Variants in PADI1 observed in about 807,000 individuals in gnomAD.
The protein encoded by PADI1 is peptidyl arginine deiminase 1.
PADI1 carries 65 observed loss-of-function variants against 74.8 expected under a neutral mutation model. The observed-to-expected ratio is 0.87, with a 90% CI of 0.71 to 1.07. The LOEUF is 1.07. PADI1 is among the 50% of genes least tolerant of loss of function. PADI1 has a pLI of 0.00. For missense variants in PADI1, 943 were observed against 854.0 expected, an observed-to-expected ratio of 1.10 and a Z score of -1.30; for synonymous variants, 371 against 336.2, an observed-to-expected ratio of 1.10 and a Z score of -1.13.
At chr1:17,241,223 G>A (rs1326325678) in intron 15 of PADI1, among the ~76,000 whole-genome samples, 1 of 152,176 alleles carries the variant, frequency 6.6e-6, no homozygotes, top group Admixed American at 6.5e-5. Flanking sequence ...CGGTGGCCTC[G>A]CTGACTCTCA....
chr1:17,229,502 T>A (rs1055768543), intron 8 of PADI1, among the ~76,000 whole-genome samples: 1 of 152,226 alleles, frequency 6.6e-6, no homozygotes, highest in South Asian at 2.1e-4. Context: ...CTCAGAATCC[T>A]CATCATGCCC....
chr1:17,213,788 C>T (rs1399410136), intron 1 of PADI1, among the ~76,000 whole-genome samples: 3 of 152,234 alleles, frequency 2.0e-5, no homozygotes, highest in Non-Finnish European at 4.4e-5. Flanking sequence ...GAACCTGCAC[C>T]TTACCACAGG....
chr1:17,208,308 C>T (rs1198380134), intron 1 of PADI1, among the ~76,000 whole-genome samples: 1 of 152,104 alleles, frequency 6.6e-6, no homozygotes, highest in African/African-American at 2.4e-5. Context: ...TAATTGTGTG[C>T]CCCAGGGTGT....
In PADI1 at chr1:17,205,741, G is replaced by T. The variant is rs117736485; in HGVS notation, c.92+432G>T. ...GGTGAAGGGACGTGTGTGGTAGCTT[G>T]ACCCTTGGAGGTCAGCCAGAGATAA... On this transcript the variant is annotated intron_variant, in intron 1 of 15. Transcript: ENST00000375471. Among the ~76,000 whole-genome samples, 396 of 152,292 alleles carry T rather than the reference G, an allele frequency of 2.6e-3. 15 individuals are homozygous for T. The East Asian group carries it at 0.053, about 20-fold the overall frequency.
chr1:17,229,525 T>C (rs1298490332), intron 8 of PADI1, among the ~76,000 whole-genome samples: 1 of 152,184 alleles, frequency 6.6e-6, no homozygotes, highest in East Asian at 1.9e-4. Flanking sequence ...GAGGGAAGGA[T>C]CAGCCTCGAT....
rs373645717 is a variant in PADI1, at chr1:17,229,144, C to T, written c.929+93C>T. 46 of 793,552 alleles carry T rather than the reference C, an allele frequency of 5.8e-5. No individual in the cohort carries two copies. The East Asian group carries it at 7.2e-4, about 12-fold the overall frequency. The allele number at this position is 793,552 out of a possible 1,614,324, so 49.2% of individuals were successfully genotyped here. ...GGGCTGCGCCCCTCACTCACACCGA[C>T]GGATTCATTGCGGGCACCCATTCAG... On this transcript the variant is annotated intron_variant, in intron 8 of 15. Transcript: ENST00000375471.
chr1:17,224,821 T>A (rs539002587), intron 4 of PADI1, among the ~76,000 whole-genome samples: 1 of 152,036 alleles, frequency 6.6e-6, no homozygotes, highest in Non-Finnish European at 1.5e-5. Flanking sequence ...GAGGCTATGG[T>A]GGTCAGCCCC....
chr1:17,237,459 G>A lies in PADI1; in HGVS notation c.1458+1G>A, dbSNP rs1396459887. On this transcript the variant is annotated splice_donor_variant, in intron 12 of 15. Coordinates refer to ENST00000375471, the MANE Select transcript of PADI1 (RefSeq NM_013358.3). LOFTEE classifies it high-confidence loss of function. ...CTTTGTGCCTACCTCTGACCAAAAG[G>A]TGCGTCCCCTCCTTCCCTGCCTGAG... 1.2e-6 allele frequency: 2 copies of A among 1,607,802 alleles called. No homozygotes were observed. The highest frequency in any genetic ancestry group is 8.5e-7 in the Non-Finnish European group (1 of 1,176,660).
intron 11 of PADI1, among the ~76,000 whole-genome samples, chr1:17,233,533 A>C (rs565353704): frequency 1.3e-5 from 2 of 152,342 alleles, no homozygotes; most frequent in South Asian, 4.1e-4. Flanking sequence ...CAAGGTATTT[A>C]GGTTTTAACG....
chr1:17,240,478 C>T (rs960035119), intron 14 of PADI1, 157 bp from the exon 15 acceptor site: 3 of 754,846 alleles, frequency 4.0e-6, no homozygotes, highest in East Asian at 2.9e-5. Context: ...GCCTCAGTTT[C>T]CCCCGGACAG....
intron 1 of PADI1, among the ~76,000 whole-genome samples, chr1:17,214,469 T>C (rs1271334616): frequency 6.6e-6 from 1 of 152,070 alleles, no homozygotes; most frequent in Non-Finnish European, 1.5e-5. Flanking sequence ...GTGACTCCTG[T>C]AGTGGTAATG....
chr1:17,225,248 C>A (rs961594696), intron 4 of PADI1, among the ~76,000 whole-genome samples: 4 of 152,198 alleles, frequency 2.6e-5, no homozygotes, highest in African/African-American at 7.2e-5. Context: ...GTAAGCCCTG[C>A]CTTGTGGGTC....
At chr1:17,234,246 G>A (rs1276378060) in intron 11 of PADI1, among the ~76,000 whole-genome samples, 2 of 152,146 alleles carry the variant, frequency 1.3e-5, no homozygotes, top group Admixed American at 1.3e-4. Flanking sequence ...ACAGTTAAAG[G>A]TACTGGGGAT....
chr1:17,218,397 C>A (rs1224622094), intron 1 of PADI1, among the ~76,000 whole-genome samples: 1 of 152,110 alleles, frequency 6.6e-6, no homozygotes, highest in Non-Finnish European at 1.5e-5. Context: ...GCCAGCACAC[C>A]ACTGCCTGGA....
chr1:17,212,816 C>T (rs1164062145), intron 1 of PADI1, among the ~76,000 whole-genome samples: 2 of 152,166 alleles, frequency 1.3e-5, no homozygotes, highest in Non-Finnish European at 2.9e-5. Context: ...CATTTTAGGG[C>T]AGACAAGGAC....
At chr1:17,233,465 C>T (rs2072552614) in intron 11 of PADI1, among the ~76,000 whole-genome samples, 1 of 152,246 alleles carries the variant, frequency 6.6e-6, no homozygotes, top group African/African-American at 2.4e-5. Context: ...CCAGGATACC[C>T]TGATGACAGA....
At chr1:17,237,545 T>G in intron 12 of PADI1, 87 bp downstream of exon 12, 1 of 1,326,036 alleles carries the variant, frequency 7.5e-7, no homozygotes, top group Non-Finnish European at 1.0e-6. Context: ...TGGAACCAGC[T>G]CAACCCTGTG....
chr1:17,239,104 G>T (rs1413368783), intron 13 of PADI1, among the ~76,000 whole-genome samples: 1 of 152,208 alleles, frequency 6.6e-6, no homozygotes, highest in South Asian at 2.1e-4. Context: ...AGCCAGGCTT[G>T]GTCAGGGCCC....
Position 17,244,400 on chromosome 1 carries a change from C to T in PADI1, c.*157C>T, listed in dbSNP as rs1430049858. On this transcript the variant is annotated 3_prime_UTR_variant, in exon 16 of 16. Coordinates refer to ENST00000375471, the MANE Select transcript of PADI1 (RefSeq NM_013358.3). Reference sequence around the variant, plus strand: ...GGCACCAGGACACAGGGATGGATACCACCTACCCTCGCCTCTGGAATGGCC... The same window carrying T: ...GGCACCAGGACACAGGGATGGATACTACCTACCCTCGCCTCTGGAATGGCC... 1 of 703,846 alleles carries T rather than the reference C, an allele frequency of 1.4e-6. No homozygotes were observed. The highest frequency in any genetic ancestry group is 2.6e-6 in the Non-Finnish European group (1 of 386,352). The allele number at this position is 703,846 out of a possible 1,614,324, so 43.6% of individuals were successfully genotyped here. A position where few individuals can be genotyped will look rare whatever the true frequency, so the allele number is the denominator to read the frequency against.
Sources: allele counts gnomAD v4.1 joint callset (sites outside exome capture counted in the v4.1 genomes callset), GRCh38; gene constraint gnomAD v4.1.1; transcripts MANE v1.5; gene names NCBI Gene and HGNC (gene_info 2026-07-23, HGNC 2026-07-21).